RBFOX1: variants seen among roughly 807,000 people sequenced by gnomAD.
RBFOX1 encodes the protein RNA binding fox-1 homolog 1.
Under a neutral mutation model 57.7 loss-of-function variants are expected in RBFOX1, and 8 were observed. The ratio of observed to expected loss-of-function variants is 0.14; its 90% confidence interval spans 0.08 to 0.25. The LOEUF (loss-of-function observed/expected upper bound fraction) is 0.25, where lower values mean the gene tolerates loss of function less well. Among genes scored for constraint, RBFOX1 ranks in the 10% least tolerant of loss-of-function variants. RBFOX1 has a pLI of 1.00. For synonymous variants in RBFOX1, 326 were observed against 222.4 expected, an observed-to-expected ratio of 1.47 and a Z score of -4.15; for missense variants, 611 against 548.5, an observed-to-expected ratio of 1.11 and a Z score of -1.14.
chr16:5,621,847 C>G (rs527895440), intron 3 of RBFOX1, among the ~76,000 whole-genome samples: 8 of 152,210 alleles, frequency 5.3e-5, no homozygotes, highest in South Asian at 4.1e-4. Flanking sequence ...TTTTTGCACC[C>G]AAGCCTTCGT....
chr16:6,978,372 C>G (rs940582444), intron 3 of RBFOX1, among the ~76,000 whole-genome samples: 2 of 152,178 alleles, frequency 1.3e-5, no homozygotes, highest in African/African-American at 4.8e-5. Flanking sequence ...TCTAATTACT[C>G]ATACAGACGT....
intron 4 of RBFOX1, among the ~76,000 whole-genome samples, chr16:7,181,542 C>G (rs1207092497): frequency 7.1e-6 from 1 of 141,480 alleles, no homozygotes; most frequent in Non-Finnish European, 1.5e-5. Context: ...TGCTCTCTCT[C>G]TCTTTCTCTC....
intron 1 of RBFOX1, among the ~76,000 whole-genome samples, chr16:6,291,015 T>C (rs1307056968): frequency 6.6e-6 from 1 of 152,182 alleles, no homozygotes; most frequent in Non-Finnish European, 1.5e-5. Context: ...AGGGGTGTAT[T>C]ATTCAGGCCT....
intron 13 of RBFOX1, among the ~76,000 whole-genome samples, chr16:7,673,964 C>T (rs552485914): frequency 2.0e-5 from 3 of 152,298 alleles, no homozygotes; most frequent in East Asian, 3.9e-4. Context: ...ACAGACATCA[C>T]TGTGGAACCT....
At chr16:6,208,153 T>A (rs1300248952) in intron 1 of RBFOX1, among the ~76,000 whole-genome samples, 1 of 152,014 alleles carries the variant, frequency 6.6e-6, no homozygotes, top group Admixed American at 6.6e-5. Context: ...TAATTATATA[T>A]GTTATGTTTT....
rs117467401 is a variant in RBFOX1, at chr16:7,680,028, C to T, written c.995+3190C>T. ...AACTGTCTGAACTTTCAAAGGAGAG[C>T]GTTTCCTGAGCTTGAACCAACTGAA... On this transcript the variant is annotated intron_variant, in intron 14 of 15. Coordinates refer to ENST00000550418, the MANE Select transcript of RBFOX1 (RefSeq NM_018723.4). 5.6e-3 allele frequency among the ~76,000 whole-genome samples: 850 copies of T among 152,254 alleles called. 5 individuals are homozygous for T. The highest frequency in any genetic ancestry group is 9.2e-3 in the Non-Finnish European group (623 of 68,018).
In RBFOX1 at chr16:7,653,964, C is replaced by T. The variant is rs1285678739; in HGVS notation, c.890+17C>T. On this transcript the variant is annotated intron_variant, in intron 12 of 15. Transcript: ENST00000550418. ...CTACGGCGGGTAAGTGGGGCAGCCT[C>T]CTGGGTGGGCCTCCCTGCACCAGCC... The T allele has an allele frequency of 1.2e-5, 18 of 1,481,312 alleles. No individual in the cohort carries two copies. In the Admixed American group the frequency reaches 4.0e-4, roughly 33 times the overall value. The allele number at this position is 1,481,312 out of a possible 1,614,324, so 91.8% of individuals were successfully genotyped here.
chr16:7,691,814 C>G (rs111778257), intron 14 of RBFOX1, among the ~76,000 whole-genome samples: 2,294 of 152,278 alleles, frequency 0.015, 47 homozygotes, highest in African/African-American at 0.051. Flanking sequence ...CTGCCCCACC[C>G]TCCTGCCATA....
At chr16:7,550,843 G>C (rs769290131) in intron 5 of RBFOX1, among the ~76,000 whole-genome samples, 3 of 151,912 alleles carry the variant, frequency 2.0e-5, no homozygotes, top group Non-Finnish European at 2.9e-5. Context: ...CCCATAATCC[G>C]AACGCTTTGA....
At chr16:7,215,065 C>T (rs1383684781) in intron 4 of RBFOX1, among the ~76,000 whole-genome samples, 3 of 152,044 alleles carry the variant, frequency 2.0e-5, no homozygotes, top group Non-Finnish European at 4.4e-5. Flanking sequence ...TTGTCTCCAC[C>T]CCCCGCGGAC....
intron 4 of RBFOX1, among the ~76,000 whole-genome samples, chr16:7,058,274 C>T (rs539181207): frequency 1.3e-5 from 2 of 152,270 alleles, no homozygotes; most frequent in South Asian, 4.1e-4. Context: ...CAGAAATGCT[C>T]AGTTTAAACT....
At chr16:6,863,339 G>A (rs984235415) in intron 3 of RBFOX1, among the ~76,000 whole-genome samples, 1 of 152,012 alleles carries the variant, frequency 6.6e-6, no homozygotes, top group East Asian at 1.9e-4. Context: ...ACAAAACGTG[G>A]CTCACCAGGA....
At chr16:6,846,129 A>T (rs187234816) in intron 3 of RBFOX1, among the ~76,000 whole-genome samples, 1 of 152,160 alleles carries the variant, frequency 6.6e-6, no homozygotes, top group Non-Finnish European at 1.5e-5. Flanking sequence ...TCATTCGTAT[A>T]TCAGACTTGT....
intron 3 of RBFOX1, among the ~76,000 whole-genome samples, chr16:6,804,478 T>A (rs955596892): frequency 6.6e-6 from 1 of 152,178 alleles, no homozygotes; most frequent in Non-Finnish European, 1.5e-5. Context: ...CCAATGGAAC[T>A]AACAGGCTCA....
chr16:7,668,672 A>G (rs2070297411), intron 13 of RBFOX1, among the ~76,000 whole-genome samples: 1 of 151,922 alleles, frequency 6.6e-6, no homozygotes, highest in African/African-American at 2.4e-5. Flanking sequence ...ACACACACAC[A>G]CACACACACT....
chr16:7,016,459 T>G (rs1158267002), intron 3 of RBFOX1, among the ~76,000 whole-genome samples: 1 of 152,162 alleles, frequency 6.6e-6, no homozygotes, highest in African/African-American at 2.4e-5. Context: ...CTCACTTGTT[T>G]CGGGACGTAA....
intron 5 of RBFOX1, among the ~76,000 whole-genome samples, chr16:7,523,742 T>G (rs2078026679): frequency 6.6e-6 from 1 of 152,196 alleles, no homozygotes; most frequent in Non-Finnish European, 1.5e-5. Context: ...AGGGGCTGTC[T>G]CGTTTTTTGT....
intron 1 of RBFOX1, among the ~76,000 whole-genome samples, chr16:5,314,692 G>A (rs550770768): frequency 2.0e-5 from 3 of 151,778 alleles, no homozygotes; most frequent in East Asian, 3.9e-4. Flanking sequence ...GTAGAGACAC[G>A]GTCTTGTTAT....
In RBFOX1 at chr16:7,292,983, A is replaced by T. The variant is rs890194510; in HGVS notation, c.28-225164A>T. On this transcript the variant is annotated intron_variant, in intron 4 of 15. Transcript: ENST00000550418. ...TACGAATTTGTTCTCTGGCTCTCAA[A>T]AAGAAAAGAGGGAAGAGGAAAAGGA... Among the ~76,000 whole-genome samples the T allele has an allele frequency of 2.0e-5, 3 of 152,078 alleles. No homozygotes were observed. The East Asian group carries it at 5.8e-4, about 29-fold the overall frequency.
Sources: gnomAD v4.1 joint callset for allele counts (sites outside exome capture counted in the v4.1 genomes callset) on GRCh38, gnomAD v4.1.1 for gene constraint, MANE v1.5 for transcripts, NCBI Gene and HGNC (gene_info 2026-07-23, HGNC 2026-07-21) for gene names.